The following LRP6 variants were observed in gnomAD, a reference collection of about 807,000 sequenced individuals.
LRP6 encodes the protein low-density lipoprotein receptor-related protein 6.
Under a neutral mutation model 184.1 loss-of-function variants are expected in LRP6, and 43 were observed. That is an observed-to-expected ratio of 0.23 (90% CI 0.18 to 0.30). LRP6 has a LOEUF of 0.30. LRP6 is among the 10% of genes least tolerant of loss of function. The probability of loss-of-function intolerance (pLI) is 1.00; values close to 1 mark genes in which losing one functional copy is unlikely to be tolerated. For missense variants in LRP6, 1,571 were observed against 2,005.3 expected (o/e 0.78, Z 4.14); for synonymous variants, 719 against 684.9 (o/e 1.05, Z -0.78).
chr12:12,163,634 AT>A (rs1449549504), intron 9 of LRP6, among the ~76,000 whole-genome samples: 4 of 151,808 alleles, frequency 2.6e-5, no homozygotes, highest in South Asian at 4.2e-4. Context: ...TAAATCACGA[AT>A]TTTTTTTTAA....
chr12:12,192,164 T>C lies in LRP6; in HGVS notation c.648-5045A>G, dbSNP rs371859368. 2.6e-5 allele frequency among the ~76,000 whole-genome samples: 4 copies of C among 151,962 alleles called. No homozygotes were observed. In the East Asian group the frequency reaches 5.8e-4, roughly 22 times the overall value. ...ATAGCAGAAAGGATGGGAGAGAGAA[T>C]GGAGATATACTTAGAGTAAAATGTA... is the stretch of plus-strand genomic sequence containing the variant. On this transcript the variant is annotated intron_variant, in intron 3 of 22. Coordinates refer to ENST00000261349, the MANE Select transcript of LRP6 (RefSeq NM_002336.3).
At chr12:12,175,021 A>G (rs1452643098) in intron 7 of LRP6, among the ~76,000 whole-genome samples, 3 of 152,338 alleles carry the variant, frequency 2.0e-5, no homozygotes, top group South Asian at 4.1e-4. Flanking sequence ...TATCTATACT[A>G]TCAGGTGTTG....
chr12:12,261,945 C>CA (rs35430560), intron 1 of LRP6, among the ~76,000 whole-genome samples: 4 of 151,998 alleles, frequency 2.6e-5, no homozygotes, highest in Non-Finnish European at 5.9e-5. Context: ...CAAGCCTCCT[C>CA]AAAAAAAGCT....
intron 10 of LRP6, among the ~76,000 whole-genome samples, chr12:12,160,976 C>A (rs1862728705): frequency 6.6e-6 from 1 of 152,236 alleles, no homozygotes; most frequent in African/African-American, 2.4e-5. Context: ...TTTCTGAAAA[C>A]TGAAGGTGTC....
chr12:12,259,817 GCTTA>G (rs1854375855), intron 1 of LRP6, among the ~76,000 whole-genome samples: 1 of 152,124 alleles, frequency 6.6e-6, no homozygotes, highest in Non-Finnish European at 1.5e-5. Context: ...CTGAAGTGAG[GCTTA>G]CTTTATAGAA....
rs1300739637 is a variant in LRP6, at chr12:12,266,727, G to A, written c.9C>T (p.Ala3=). 1.9e-6 allele frequency: 3 copies of A among 1,613,296 alleles called. No individual in the cohort carries two copies. Among genetic ancestry groups the A allele is most frequent in the Non-Finnish European group, 1.7e-6 (2 of 1,179,754 alleles). Residue 3 remains alanine, a synonymous_variant, in exon 1 of 23, where the codon GCC becomes GCT. Transcript: ENST00000261349. Reference sequence around the variant, plus strand: ...TGCAGGCCAGGAGGCTCCTCAGGACGGCCCCCATCTTCCCTTCTCGCGTTC... The same window carrying A: ...TGCAGGCCAGGAGGCTCCTCAGGACAGCCCCCATCTTCCCTTCTCGCGTTC... MG[A]VLRSLLACSF... is the part of the protein sequence containing the mutation.
At chr12:12,133,853 G>T (rs369780633) in intron 17 of LRP6, among the ~76,000 whole-genome samples, 1 of 104,184 alleles carries the variant, frequency 9.6e-6, no homozygotes, top group African/African-American at 3.2e-5. Context: ...TTTGGGGGGG[G>T]GGGGGGGGGA....
In LRP6 at chr12:12,159,765, A is replaced by G; in HGVS notation, c.2464+15T>C. 6.2e-7 allele frequency: 1 copy of G among 1,613,340 alleles called. No homozygotes were observed. Among genetic ancestry groups the G allele is most frequent in the Non-Finnish European group, 8.5e-7 (1 of 1,179,274 alleles). On this transcript the variant is annotated intron_variant, in intron 11 of 22. Coordinates refer to ENST00000261349, the MANE Select transcript of LRP6 (RefSeq NM_002336.3). ...GAAAGAATATACTGTTTGAGTAAAA[A>G]GTAGTAAAGCTTACCAAGCATATTT...
chr12:12,209,743 G>T (rs547022529), intron 2 of LRP6, among the ~76,000 whole-genome samples: 1 of 152,058 alleles, frequency 6.6e-6, no homozygotes, highest in African/African-American at 2.4e-5. Context: ...CTATTAAAGC[G>T]GTGAGCACCT....
At chr12:12,206,542 CA>C (rs60179716) in intron 2 of LRP6, among the ~76,000 whole-genome samples, 4,479 of 116,624 alleles carry the variant, frequency 0.038, 182 homozygotes, top group African/African-American at 0.13. Context: ...GACTCCATCT[CA>C]AAAAAAAAAA....
intron 1 of LRP6, among the ~76,000 whole-genome samples, chr12:12,265,401 T>G (rs190931791): frequency 3.8e-4 from 58 of 152,008 alleles, no homozygotes; most frequent in Admixed American, 1.2e-3. Flanking sequence ...AGAAAGTATT[T>G]CTCCTCCTCC....
At chr12:12,131,096 C>CGTTTTT (rs1949746766) in intron 18 of LRP6, among the ~76,000 whole-genome samples, 1 of 105,350 alleles carries the variant, frequency 9.5e-6, no homozygotes. Flanking sequence ...AATTTCCTAA[C>CGTTTTT]ATTTTTTTTT....
At chr12:12,261,931 A>C (rs1455182642) in intron 1 of LRP6, among the ~76,000 whole-genome samples, 2 of 152,222 alleles carry the variant, frequency 1.3e-5, no homozygotes, top group Admixed American at 1.3e-4. Flanking sequence ...GAATTTTTAT[A>C]TAACAAGCCT....
chr12:12,193,386 G>A (rs1213805015), intron 3 of LRP6, among the ~76,000 whole-genome samples: 2 of 149,680 alleles, frequency 1.3e-5, no homozygotes, highest in African/African-American at 4.9e-5. Context: ...AAAAAAAAAG[G>A]CAATGAAACA....
At chr12:12,123,228 G>C (rs1035580461) in intron 22 of LRP6, among the ~76,000 whole-genome samples, 1 of 152,284 alleles carries the variant, frequency 6.6e-6, no homozygotes, top group East Asian at 1.9e-4. Context: ...TAGTCAATTT[G>C]AATTAAGGAC....
At chr12:12,233,736 G>C (rs77128559) in intron 2 of LRP6, among the ~76,000 whole-genome samples, 288 of 152,200 alleles carry the variant, frequency 1.9e-3, no homozygotes, top group African/African-American at 6.8e-3. Flanking sequence ...ATTGTTCATC[G>C]CAAGTTGTGT....
intron 19 of LRP6, among the ~76,000 whole-genome samples, chr12:12,129,832 G>T (rs12309495): frequency 0.075 from 11,342 of 152,128 alleles, 498 homozygotes; most frequent in Admixed American, 0.11. Context: ...TTACAGGTGT[G>T]AGCCAGCGCA....
At chr12:12,252,239 T>C (rs1286099403) in intron 1 of LRP6, among the ~76,000 whole-genome samples, 1 of 152,242 alleles carries the variant, frequency 6.6e-6, no homozygotes, top group Non-Finnish European at 1.5e-5. Context: ...CAAGTATTTT[T>C]TTCCACAGTG....
At chr12:12,186,458 A>C (rs531788454) in intron 4 of LRP6, among the ~76,000 whole-genome samples, 1 of 152,064 alleles carries the variant, frequency 6.6e-6, no homozygotes, top group South Asian at 2.1e-4. Flanking sequence ...GGCTCACTGC[A>C]ATCTCCACCT....
Sources: gnomAD v4.1 joint callset for allele counts (sites outside exome capture counted in the v4.1 genomes callset) on GRCh38, gnomAD v4.1.1 for gene constraint, MANE v1.5 for transcripts, NCBI Gene and HGNC (gene_info 2026-07-23, HGNC 2026-07-21) for gene names.